The following OAS1 variants were observed in gnomAD, a reference collection of about 807,000 sequenced individuals.
OAS1 encodes the protein 2'-5'-oligoadenylate synthetase 1.
Under a neutral mutation model 38.5 loss-of-function variants are expected in OAS1, and 24 were observed. The ratio of observed to expected loss-of-function variants is 0.62; its 90% CI spans 0.45 to 0.88. The LOEUF is 0.88. Among genes scored for constraint, OAS1 ranks in the 40% least tolerant of loss-of-function variants. OAS1 has a pLI of 0.00. For synonymous variants in OAS1, 169 were observed against 193.9 expected (o/e 0.87, Z 1.07); for missense variants, 482 against 493.9 (o/e 0.98, Z 0.23).
chr12:112,932,674 T>C (rs939305015), downstream of OAS1: 3 of 152,282 alleles, frequency 2.0e-5, no homozygotes, highest in African/African-American at 4.8e-5. Context: ...TCAGTGCTTA[T>C]CTGATGCCAG....
At chr12:112,913,249 C>T (rs941165088) in intron 3 of OAS1, among the ~76,000 whole-genome samples, 2 of 152,146 alleles carry the variant, frequency 1.3e-5, no homozygotes, top group Middle Eastern at 6.3e-3. Flanking sequence ...TATAAGTAAC[C>T]TGTCTTATTC....
chr12:112,918,142 G>A (rs550698836), intron 5 of OAS1: 60 of 219,666 alleles, frequency 2.7e-4, no homozygotes, highest in Admixed American at 2.1e-3. Flanking sequence ...TGATCCTGTC[G>A]CCCAAATAGT....
At chr12:112,911,577 G>A (rs2043384668) in intron 3 of OAS1, among the ~76,000 whole-genome samples, 1 of 152,074 alleles carries the variant, frequency 6.6e-6, no homozygotes, top group Admixed American at 6.5e-5. Context: ...CACACAGAGA[G>A]AGAGTCAACC....
At chr12:112,918,618 G>T (rs2043495749) in intron 5 of OAS1, 3 of 455,482 alleles carry the variant, frequency 6.6e-6, no homozygotes, top group Non-Finnish European at 1.3e-5. Context: ...GCTCAGAGAG[G>T]TGAGGTCACT....
intron 5 of OAS1, chr12:112,917,998 T>C (rs1476231131): frequency 2.5e-6 from 3 of 1,192,970 alleles, no homozygotes; most frequent in East Asian, 6.6e-5. Flanking sequence ...CCCTTTAATA[T>C]GCACTCTCTC....
chr12:112,909,934 C>G (rs1252550322), intron 2 of OAS1, among the ~76,000 whole-genome samples: 2 of 152,012 alleles, frequency 1.3e-5, no homozygotes, highest in Non-Finnish European at 2.9e-5. Context: ...AAGGAACTGT[C>G]ACAGTTTCCT....
chr12:112,907,793 C>T (rs1213389226), intron 1 of OAS1: 5 of 152,422 alleles, frequency 3.3e-5, no homozygotes, highest in East Asian at 3.8e-4. Flanking sequence ...TGGACACAAA[C>T]GTGAGCTTGG....
intron 6 of OAS1, among the ~76,000 whole-genome samples, chr12:112,927,065 G>A (rs541619567): frequency 3.3e-5 from 5 of 152,256 alleles, no homozygotes; most frequent in Admixed American, 6.5e-5. Flanking sequence ...CCTGAACATC[G>A]CTATTATCCT....
At chr12:112,920,375 C>T (rs2043521747), downstream of OAS1, among the ~76,000 whole-genome samples, 1 of 152,286 alleles carries the variant, frequency 6.6e-6, no homozygotes, top group African/African-American at 2.4e-5. Flanking sequence ...GTTTCAAAGA[C>T]TTAGTACAAA....
chr12:112,924,478 C>A (rs201976279), downstream of OAS1, among the ~76,000 whole-genome samples: 3 of 124,906 alleles, frequency 2.4e-5, no homozygotes, highest in African/African-American at 9.5e-5. Context: ...ATATATATAT[C>A]TATATAGAAT....
chr12:112,927,137 T>C (rs529757232), intron 6 of OAS1, among the ~76,000 whole-genome samples: 1 of 152,334 alleles, frequency 6.6e-6, no homozygotes, highest in African/African-American at 2.4e-5. Context: ...ACGAACAATT[T>C]GTGCAGTTAA....
Position 112,908,524 on chromosome 12 carries a change from C to T in OAS1, c.181-12C>T, listed in dbSNP as rs200642365. On this transcript the variant is annotated splice_polypyrimidine_tract_variant and intron_variant, in intron 1 of 5. Transcript: ENST00000202917. ...ACTAAGCATCAATTATTATTTTTGT[C>T]GTCTTTTTCAGGGTGGCTCCTCAGG... 1.4e-4 allele frequency: 220 copies of T among 1,595,246 alleles called. No individual in the cohort carries two copies. Among genetic ancestry groups the T allele is most frequent in the Non-Finnish European group, 1.1e-4 (133 of 1,171,780 alleles).
chr12:112,923,849 T>G (rs1272578156), downstream of OAS1, among the ~76,000 whole-genome samples: 2 of 152,202 alleles, frequency 1.3e-5, no homozygotes, highest in Non-Finnish European at 2.9e-5. Context: ...TTTGGAAAGC[T>G]GAATGTCCAC....
intron 1 of OAS1, 44 bp from the exon 2 acceptor site, chr12:112,908,492 T>C (rs2043327050): frequency 1.9e-6 from 3 of 1,564,814 alleles, no homozygotes; most frequent in Non-Finnish European, 1.7e-6. Flanking sequence ...TTAGGGAGGT[T>C]TGCCTCACTA....
downstream of OAS1, chr12:112,932,150 C>T (rs1266889942): frequency 2.1e-6 from 1 of 475,760 alleles, no homozygotes; most frequent in Non-Finnish European, 3.7e-6. Context: ...CTCTCTTCCT[C>T]CCTGTCTCCT....
chr12:112,926,876 G>A (rs566187418), intron 6 of OAS1, among the ~76,000 whole-genome samples: 11 of 152,244 alleles, frequency 7.2e-5, no homozygotes, highest in Admixed American at 5.9e-4. Context: ...CCCCCAGAGC[G>A]GCCATTTTAG....
At chr12:112,927,601 T>C (rs1474473013) in intron 6 of OAS1, among the ~76,000 whole-genome samples, 2 of 152,208 alleles carry the variant, frequency 1.3e-5, no homozygotes, top group Admixed American at 6.5e-5. Flanking sequence ...CCTTACTCTA[T>C]AGAACATGCA....
rs34354934 is a variant in OAS1, at chr12:112,919,604, C to T, written c.*51C>T. ...GCTCCAGTGTTATCTGGACCAGTTCCTTCATTTTCAGGTGGGACTCTTGAT... is the reference window on the plus strand; with the variant it reads ...GCTCCAGTGTTATCTGGACCAGTTCTTTCATTTTCAGGTGGGACTCTTGAT... On this transcript the variant is annotated 3_prime_UTR_variant, in exon 6 of 6. Transcript: ENST00000202917. 4.6e-4 allele frequency: 740 copies of T among 1,613,934 alleles called. 4 individuals are homozygous for T. The African/African-American group carries it at 8.2e-3, about 18-fold the overall frequency.
At position 112,908,729 on chromosome 12, in the gene OAS1, G is replaced by A. The variant is rs772158833; in HGVS notation, c.374G>A (p.Arg125His). ...GTGAAGTTTGAGGTCCAGGCTCCAC[G>A]CTGGGGCAACCCCCGTGCGCTCAGC... Reference protein sequence around the residue: ...FSVKFEVQAPRWGNPRALSFV... With the variant: ...FSVKFEVQAPHWGNPRALSFV... The change falls in exon 2 of 6, where the codon CGC (arginine) becomes CAC (histidine). Residue 125 changes from arginine to histidine, a missense_variant. Arg to His is a conservative substitution (Grantham distance 29, BLOSUM62 0). Transcript: ENST00000202917. 4 of 1,614,214 alleles carry A rather than the reference G, an allele frequency of 2.5e-6. No homozygotes were observed. The highest frequency in any genetic ancestry group is 1.7e-5 in the Admixed American group (1 of 60,032).
Sources: allele counts gnomAD v4.1 joint callset (sites outside exome capture counted in the v4.1 genomes callset), GRCh38; gene constraint gnomAD v4.1.1; transcripts MANE v1.5; gene names NCBI Gene and HGNC (gene_info 2026-07-23, HGNC 2026-07-21).